DDX60: variants seen among roughly 807,000 people sequenced by gnomAD.
DDX60 encodes probable ATP-dependent RNA helicase DDX60.
Under a neutral mutation model 212.8 loss-of-function variants are expected in DDX60, and 165 were observed. The observed-to-expected ratio is 0.78, with a 90% CI of 0.68 to 0.88. The LOEUF is 0.88. Among genes scored for constraint, DDX60 ranks in the 40% least tolerant of loss-of-function variants. The pLI, the probability that DDX60 is intolerant of heterozygous loss-of-function variation, is 0.00. For synonymous variants in DDX60, 703 were observed against 685.3 expected, an observed-to-expected ratio of 1.03 and a Z score of -0.40; for missense variants, 1,905 against 2,003.9, an observed-to-expected ratio of 0.95 and a Z score of 0.94.
At chr4:168,282,912 GAA>G (rs1735655549) in intron 13 of DDX60, among the ~76,000 whole-genome samples, 1 of 151,972 alleles carries the variant, frequency 6.6e-6, no homozygotes, top group Non-Finnish European at 1.5e-5. Flanking sequence ...CGTCTCCCAG[GAA>G]AAGAGTAGAA....
intron 33 of DDX60, among the ~76,000 whole-genome samples, chr4:168,227,211 T>C (rs1175343343): frequency 2.3e-5 from 1 of 42,888 alleles, no homozygotes; most frequent in East Asian, 4.8e-4. Context: ...TGTGGGAATG[T>C]TTTTTTTTTT....
At chr4:168,306,056 G>C (rs915067180) in intron 5 of DDX60, among the ~76,000 whole-genome samples, 5 of 152,120 alleles carry the variant, frequency 3.3e-5, no homozygotes, top group Non-Finnish European at 7.4e-5. Flanking sequence ...TATTCATTTG[G>C]TGTGTTTGGT....
chr4:168,313,893 T>C (rs1341951906), intron 1 of DDX60, among the ~76,000 whole-genome samples: 1 of 152,208 alleles, frequency 6.6e-6, no homozygotes, highest in African/African-American at 2.4e-5. Flanking sequence ...TAATGAAATA[T>C]AACTATGACT....
In DDX60 at chr4:168,291,803, C is replaced by T. The variant is rs748512828; in HGVS notation, c.986G>A (p.Cys329Tyr). Residue 329 changes from cysteine to tyrosine, a missense_variant, in exon 8 of 38, where the codon TGT becomes TAT. Transcript: ENST00000393743. ...CCAATGGGAAGTGATGACTCTAGCA[C>T]AAGCTCTTTGAGAAAGAGGCAGATG... ...LLHLPLSQRACARVITSHWAE... is the reference protein window; with the variant it reads ...LLHLPLSQRAYARVITSHWAE... 6.8e-6 allele frequency: 11 copies of T among 1,613,570 alleles called. No individual in the cohort carries two copies. The highest frequency in any genetic ancestry group is 1.3e-5 in the African/African-American group (1 of 74,878).
At chr4:168,316,169 A>G (rs1737361930) in intron 1 of DDX60, among the ~76,000 whole-genome samples, 1 of 152,258 alleles carries the variant, frequency 6.6e-6, no homozygotes, top group Admixed American at 6.5e-5. Flanking sequence ...AAGAGAACCC[A>G]TGGTACTTCG....
Position 168,276,171 on chromosome 4 carries a change from C to T in DDX60, c.1989G>A (p.Thr663=), listed in dbSNP as rs745578311. The change falls in exon 15 of 38, where the codon ACG becomes ACA. Residue 663 remains threonine (T), a synonymous_variant. Coordinates refer to ENST00000393743, the MANE Select transcript of DDX60 (RefSeq NM_017631.6). ...EHCRSEEGKT[T]KDLSIAVQVM... is the part of the protein sequence containing the mutation. ...CCTGAACAGCTATACTTAAATCTTT[C>T]GTGGTTTTACCTTGATAAACAATAA... is the stretch of plus-strand genomic sequence containing the variant. 27 of 1,603,196 alleles carry T rather than the reference C, an allele frequency of 1.7e-5. No homozygotes were observed. Among genetic ancestry groups the T allele is most frequent in the South Asian group, 1.1e-4 (10 of 89,062 alleles).
At chr4:168,275,774 C>A (rs1735307477) in intron 15 of DDX60, among the ~76,000 whole-genome samples, 2 of 152,002 alleles carry the variant, frequency 1.3e-5, no homozygotes, top group African/African-American at 4.8e-5. Context: ...GAATTAAGTG[C>A]AGGGTTAGTT....
intron 30 of DDX60, among the ~76,000 whole-genome samples, chr4:168,240,252 T>C (rs983781612): frequency 3.9e-5 from 6 of 152,116 alleles, no homozygotes; most frequent in African/African-American, 1.2e-4. Context: ...TACCTAGGAA[T>C]ACAGCTAATA....
At chr4:168,268,051 TAAGTA>T in intron 20 of DDX60, 68 bp from the exon 21 acceptor site, 1 of 1,343,616 alleles carries the variant, frequency 7.4e-7, no homozygotes, top group East Asian at 2.4e-5. Flanking sequence ...TTAAGTAGTT[TAAGTA>T]AAGACAATTT....
At chr4:168,281,567 A>G (rs893169254) in intron 13 of DDX60, among the ~76,000 whole-genome samples, 9 of 152,220 alleles carry the variant, frequency 5.9e-5, no homozygotes, top group African/African-American at 2.2e-4. Context: ...CAACACAAAT[A>G]CAACTGATTT....
chr4:168,271,405 T>C (rs936823889), intron 19 of DDX60, among the ~76,000 whole-genome samples: 1 of 152,168 alleles, frequency 6.6e-6, no homozygotes, highest in Non-Finnish European at 1.5e-5. Context: ...GAGGCTGAGG[T>C]CATTTTTCCA....
intron 14 of DDX60, 138 bp downstream of exon 14, chr4:168,280,197 G>A: frequency 2.6e-6 from 3 of 1,149,836 alleles, no homozygotes; most frequent in Non-Finnish European, 3.7e-6. Flanking sequence ...GGAAACTATT[G>A]TAAAGGTAAT....
intron 18 of DDX60, 101 bp from the exon 19 acceptor site, chr4:168,272,239 C>A: frequency 3.4e-6 from 3 of 877,988 alleles, no homozygotes; most frequent in Admixed American, 2.1e-5. Context: ...CCTGAATGTA[C>A]CTGCTGATAA....
rs776963633 is a variant in DDX60, at chr4:168,283,610, AAAAAG to A, written c.1562-9_1562-5del. The A allele has an allele frequency of 1.3e-6, 2 of 1,589,384 alleles. No homozygotes were observed. Among genetic ancestry groups the A allele is most frequent in the South Asian group, 1.2e-5 (1 of 86,064 alleles). On this transcript the variant is annotated splice_region_variant and splice_polypyrimidine_tract_variant and intron_variant, in intron 12 of 37. Transcript: ENST00000393743. ...ACACGAGGGTCTCTAGATTTTTCTG[AAAAAG>A]AAAAGACTTAAAATGTAACTTTATT...
intron 16 of DDX60, among the ~76,000 whole-genome samples, chr4:168,274,750 A>G (rs6847367): frequency 0.32 from 48,851 of 151,850 alleles, 8,125 homozygotes; most frequent in African/African-American, 0.41. Flanking sequence ...TTTTTAACCT[A>G]CCCCACCATC....
At chr4:168,299,235 C>T (rs1234638183) in intron 6 of DDX60, among the ~76,000 whole-genome samples, 1 of 144,430 alleles carries the variant, frequency 6.9e-6, no homozygotes, top group Non-Finnish European at 1.5e-5. Flanking sequence ...TTCGGTCAAA[C>T]TTGGGTGAAA....
chr4:168,285,929 A>AAGGAAGGAAGGG (rs1735816609), intron 10 of DDX60, among the ~76,000 whole-genome samples: 1 of 82,956 alleles, frequency 1.2e-5, no homozygotes, highest in African/African-American at 5.5e-5. Context: ...GGAAGGAAGG[A>AAGGAAGGAAGGG]AGGAAGGAAG....
Position 168,276,053 on chromosome 4 carries a change from C to T in DDX60, c.2107G>A (p.Gly703Arg), listed in dbSNP as rs745641026. 6.2e-7 allele frequency: 1 copy of T among 1,613,014 alleles called. No individual in the cohort carries two copies. Among genetic ancestry groups the T allele is most frequent in the Non-Finnish European group, 8.5e-7 (1 of 1,179,508 alleles). Residue 703 changes from glycine to arginine, a missense_variant, in exon 15 of 38, where the codon GGA becomes AGA. Physicochemically the swap from Gly to Arg is moderately radical, Grantham distance 125. Coordinates refer to ENST00000393743, the MANE Select transcript of DDX60 (RefSeq NM_017631.6). ...AAAGAACTTGCCAACTCATCAAATC[C>T]TAAATACTTAAGGCATCTGGCTATG... ...QLIARCLKYL[G>R]FDELASSLHP...
intron 18 of DDX60, among the ~76,000 whole-genome samples, chr4:168,272,451 C>T (rs1188919709): frequency 1.3e-5 from 2 of 152,194 alleles, no homozygotes; most frequent in Admixed American, 1.3e-4. Flanking sequence ...AAACCTGACA[C>T]TGACATAGAG....
Sources: allele counts gnomAD v4.1 joint callset (sites outside exome capture counted in the v4.1 genomes callset), GRCh38; gene constraint gnomAD v4.1.1; transcripts MANE v1.5; gene names NCBI Gene and HGNC (gene_info 2026-07-23, HGNC 2026-07-21).